Variants in DENND1A observed in about 807,000 individuals in gnomAD.
DENND1A encodes DENN domain-containing protein 1A.
DENND1A carries 51 observed loss-of-function variants against 113.7 expected under a neutral mutation model. The observed-to-expected ratio is 0.45, with a 90% CI of 0.36 to 0.57. The LOEUF (loss-of-function observed/expected upper bound fraction) is 0.57, where lower values mean the gene tolerates loss of function less well. DENND1A is among the 20% of genes least tolerant of loss of function. DENND1A has a pLI of 0.00. For missense variants in DENND1A, 1,258 were observed against 1,395.9 expected, an observed-to-expected ratio of 0.90 and a Z score of 1.57; for synonymous variants, 565 against 570.8, an observed-to-expected ratio of 0.99 and a Z score of 0.14.
chr9:123,808,175 G>A (rs1835922757), intron 2 of DENND1A, among the ~76,000 whole-genome samples: 1 of 152,010 alleles, frequency 6.6e-6, no homozygotes, highest in South Asian at 2.1e-4. Flanking sequence ...GCAGTGAGCT[G>A]AGATCATGCC....
At chr9:123,911,227 C>T (rs562754573) in intron 1 of DENND1A, among the ~76,000 whole-genome samples, 8 of 152,048 alleles carry the variant, frequency 5.3e-5, no homozygotes, top group African/African-American at 1.9e-4. Context: ...CAATGAGCTA[C>T]GAAAACATGA....
At chr9:123,776,253 T>C (rs1830452985) in intron 3 of DENND1A, among the ~76,000 whole-genome samples, 1 of 152,156 alleles carries the variant, frequency 6.6e-6, no homozygotes, top group African/African-American at 2.4e-5. Context: ...TCAGATATCT[T>C]AAAGGACTGC....
At chr9:123,818,189 C>T (rs1837822804) in intron 2 of DENND1A, among the ~76,000 whole-genome samples, 1 of 151,902 alleles carries the variant, frequency 6.6e-6, no homozygotes, top group Non-Finnish European at 1.5e-5. Flanking sequence ...ACTGCAAGCT[C>T]CGCCTCCCAG....
At chr9:123,512,510 T>A (rs377640285) in intron 13 of DENND1A, among the ~76,000 whole-genome samples, 1 of 152,248 alleles carries the variant, frequency 6.6e-6, no homozygotes, top group African/African-American at 2.4e-5. Context: ...AGTGTCCTCC[T>A]CAGCATCGTG....
At chr9:123,652,372 G>A (rs1589523090) in intron 8 of DENND1A, 5 of 389,276 alleles carry the variant, frequency 1.3e-5, no homozygotes, top group Admixed American at 3.8e-5. Context: ...ACATGAGGTC[G>A]CATCCAGCAC....
intron 3 of DENND1A, among the ~76,000 whole-genome samples, chr9:123,777,354 T>C (rs1830619630): frequency 6.6e-6 from 1 of 152,228 alleles, no homozygotes; most frequent in African/African-American, 2.4e-5. Context: ...CTTGTTTAGA[T>C]AAACTTGAAA....
intron 2 of DENND1A, among the ~76,000 whole-genome samples, chr9:123,840,085 AT>A (rs79381893): frequency 0.15 from 20,148 of 137,280 alleles, 1,663 homozygotes; most frequent in African/African-American, 0.25. Context: ...GTTTTTGTCT[AT>A]TTTTTTTTTT....
At chr9:123,776,957 C>T (rs1271707030) in intron 3 of DENND1A, among the ~76,000 whole-genome samples, 1 of 152,198 alleles carries the variant, frequency 6.6e-6, no homozygotes, top group Admixed American at 6.5e-5. Flanking sequence ...AAAGTCCACA[C>T]AGAATAGCAA....
chr9:123,539,868 G>C (rs916692157), intron 13 of DENND1A, among the ~76,000 whole-genome samples: 1 of 139,614 alleles, frequency 7.2e-6, no homozygotes, highest in East Asian at 2.0e-4. Flanking sequence ...GGGTGAAAAA[G>C]TGAGACTCCG....
At chr9:123,775,404 G>C (rs10818870) in intron 3 of DENND1A, among the ~76,000 whole-genome samples, 6 of 152,122 alleles carry the variant, frequency 3.9e-5, no homozygotes, top group South Asian at 2.1e-4. Context: ...TGAAAGGAAG[G>C]GGGGAGGAGG....
intron 12 of DENND1A, among the ~76,000 whole-genome samples, chr9:123,564,424 G>T (rs2057935915): frequency 2.0e-5 from 3 of 152,204 alleles, no homozygotes; most frequent in Admixed American, 1.3e-4. Context: ...GGCCTGGAAG[G>T]CCCCGTTTGA....
chr9:123,586,025 C>A (rs1447268716), intron 11 of DENND1A, among the ~76,000 whole-genome samples: 1 of 152,020 alleles, frequency 6.6e-6, no homozygotes, highest in Non-Finnish European at 1.5e-5. Context: ...ATCCTTGGGG[C>A]CCCTTCTTGC....
At chr9:123,493,425 G>A (rs747402168) in intron 13 of DENND1A, among the ~76,000 whole-genome samples, 5 of 152,168 alleles carry the variant, frequency 3.3e-5, no homozygotes, top group African/African-American at 4.8e-5. Context: ...GAGGATGGGC[G>A]GTGCAGCGGG....
intron 2 of DENND1A, among the ~76,000 whole-genome samples, chr9:123,860,444 C>A (rs1285015996): frequency 3.3e-5 from 5 of 152,194 alleles, no homozygotes; most frequent in Non-Finnish European, 7.3e-5. Context: ...GATAGAACAG[C>A]TGACATCAGA....
chr9:123,745,872 A>C (rs1589909665), intron 5 of DENND1A, among the ~76,000 whole-genome samples: 1 of 152,260 alleles, frequency 6.6e-6, no homozygotes, highest in Non-Finnish European at 1.5e-5. Context: ...GATAGCAAAG[A>C]AGACAGACTA....
intron 17 of DENND1A, 40 bp downstream of exon 17, chr9:123,452,236 C>T (rs2047773444): frequency 1.3e-6 from 2 of 1,555,500 alleles, no homozygotes; most frequent in African/African-American, 2.7e-5. Flanking sequence ...TGCTAAGGGA[C>T]TGATCTGTTT....
rs1240720635 is a variant in DENND1A at position 123,686,034 on chromosome 9, C to T, written c.303-9245G>A. On this transcript the variant is annotated intron_variant, in intron 5 of 23. Transcript: ENST00000394215. ...ACACAACAAAAGGAAGAAATGGCTA[C>T]ATGAGGATCCGTGTCCTACTTGCAG... Among the ~76,000 whole-genome samples, 3 of 151,180 alleles carry T rather than the reference C, an allele frequency of 2.0e-5. No homozygotes were observed. In the East Asian group the frequency reaches 5.8e-4, roughly 29 times the overall value.
chr9:123,526,764 G>C (rs1025585275), intron 13 of DENND1A, among the ~76,000 whole-genome samples: 3 of 152,146 alleles, frequency 2.0e-5, no homozygotes, highest in Admixed American at 6.5e-5. Context: ...TTCTTTGCCA[G>C]CCCCTCTTTC....
Position 123,406,758 on chromosome 9 carries a change from C to A in DENND1A, c.1543-3268G>T, listed in dbSNP as rs147464423. 5.2e-4 allele frequency among the ~76,000 whole-genome samples: 79 copies of A among 152,246 alleles called. No individual in the cohort carries two copies. The East Asian group carries it at 0.011, about 21-fold the overall frequency. On this transcript the variant is annotated intron_variant, in intron 20 of 23. Coordinates refer to ENST00000394215, the MANE Select transcript of DENND1A (RefSeq NM_001352964.2). ...ACAGGGTCACCTGGCTGGAATGATCCCCACCCCCAACTTCTGCCCACAAAA... is the reference window on the plus strand; with the variant it reads ...ACAGGGTCACCTGGCTGGAATGATCACCACCCCCAACTTCTGCCCACAAAA...
Sources: gnomAD v4.1 joint callset for allele counts (sites outside exome capture counted in the v4.1 genomes callset) on GRCh38, gnomAD v4.1.1 for gene constraint, MANE v1.5 for transcripts, NCBI Gene and HGNC (gene_info 2026-07-23, HGNC 2026-07-21) for gene names.